C16orf74: variants seen among roughly 807,000 people sequenced by gnomAD.
C16orf74 encodes the protein uncharacterized protein C16orf74.
In C16orf74, 10 loss-of-function variants were observed where a neutral mutation model predicts 6.5. The observed-to-expected ratio is 1.54, with a 90% CI of 0.95 to 2.61. The LOEUF (loss-of-function observed/expected upper bound fraction) is 2.61. C16orf74 is among the 30% of genes most tolerant of loss of function. The pLI is 0.00. For missense variants in C16orf74, 141 were observed against 105.9 expected, an observed-to-expected ratio of 1.33 and a Z score of -1.45; for synonymous variants, 60 against 42.5, an observed-to-expected ratio of 1.41 and a Z score of -1.60.
chr16:85,733,107 C>G (rs1368190771), intron 2 of C16orf74, among the ~76,000 whole-genome samples: 1 of 152,160 alleles, frequency 6.6e-6, no homozygotes, highest in Admixed American at 6.5e-5. Flanking sequence ...CTGGTTTCTC[C>G]GTCAAAGATG....
At chr16:85,750,095 C>T (rs1355072561) in intron 1 of C16orf74, among the ~76,000 whole-genome samples, 1 of 152,232 alleles carries the variant, frequency 6.6e-6, no homozygotes, top group Admixed American at 6.5e-5. Flanking sequence ...GTATCCCTCT[C>T]AGAGCCTCAG....
intron 1 of C16orf74, among the ~76,000 whole-genome samples, chr16:85,745,343 G>C (rs188822476): frequency 2.9e-3 from 446 of 152,206 alleles, no homozygotes; most frequent in Non-Finnish European, 4.4e-3. Flanking sequence ...AGCATCTCCA[G>C]GGACAGGTCC....
At chr16:85,715,925 C>T (rs972258235) in intron 2 of C16orf74, among the ~76,000 whole-genome samples, 5 of 152,208 alleles carry the variant, frequency 3.3e-5, no homozygotes, top group Non-Finnish European at 7.3e-5. Context: ...GAAAGCACTT[C>T]GCCCAGCCAG....
chr16:85,715,890 C>T (rs2054018274), intron 2 of C16orf74, among the ~76,000 whole-genome samples: 1 of 152,172 alleles, frequency 6.6e-6, no homozygotes, highest in South Asian at 2.1e-4. Context: ...TGAAGGGCTG[C>T]GTGTGAGGAC....
chr16:85,747,135 C>G (rs2054383274), intron 1 of C16orf74, among the ~76,000 whole-genome samples: 1 of 152,172 alleles, frequency 6.6e-6, no homozygotes, highest in Non-Finnish European at 1.5e-5. Flanking sequence ...AATACTTGCC[C>G]ATTGCCGACT....
rs571401653 is a variant in C16orf74, at chr16:85,724,750, G to T, written c.28+10440C>A. On this transcript the variant is annotated intron_variant, in intron 2 of 3. Coordinates refer to ENST00000284245, the MANE Select transcript of C16orf74 (RefSeq NM_206967.3). ...AGTCCGAGGAGGGTCTCCATATGGTGCCTAAGGCTGAGAGCACATTCATTC... is the reference window on the plus strand; with the variant it reads ...AGTCCGAGGAGGGTCTCCATATGGTTCCTAAGGCTGAGAGCACATTCATTC... Among the ~76,000 whole-genome samples the T allele has an allele frequency of 3.3e-5, 5 of 152,320 alleles. 1 individual carries two copies. The South Asian group carries it at 1.0e-3, about 32-fold the overall frequency.
chr16:85,718,833 A>G (rs1449190114), intron 2 of C16orf74, among the ~76,000 whole-genome samples: 1 of 152,230 alleles, frequency 6.6e-6, no homozygotes, highest in African/African-American at 2.4e-5. Context: ...CAGGGCACTT[A>G]TTCATTGATT....
At chr16:85,724,063 T>C (rs1056682443) in intron 2 of C16orf74, among the ~76,000 whole-genome samples, 1 of 152,188 alleles carries the variant, frequency 6.6e-6, no homozygotes, top group African/African-American at 2.4e-5. Context: ...TGGAATGCAG[T>C]GGCACCGGGC....
At chr16:85,739,298 A>G (rs1438013290) in intron 1 of C16orf74, among the ~76,000 whole-genome samples, 1 of 152,174 alleles carries the variant, frequency 6.6e-6, no homozygotes, top group African/African-American at 2.4e-5. Flanking sequence ...GGCCCTGCAC[A>G]AAGTACTCGG....
At chr16:85,711,084 C>T (rs555014631) in intron 2 of C16orf74, among the ~76,000 whole-genome samples, 13 of 151,936 alleles carry the variant, frequency 8.6e-5, no homozygotes, top group South Asian at 2.1e-4. Context: ...GAGGCCAAGG[C>T]GGGCAGATCA....
intron 1 of C16orf74, among the ~76,000 whole-genome samples, chr16:85,740,233 A>AAAAAAAC: frequency 6.6e-6 from 1 of 150,394 alleles, no homozygotes; most frequent in Non-Finnish European, 1.5e-5. Flanking sequence ...AAAAAAAAGA[A>AAAAAAAC]AAAGAAATGG....
Position 85,710,259 on chromosome 16 carries a change from G to C in C16orf74, c.77C>G (p.Pro26Arg). Residue 26 changes from proline (P) to arginine (R), a missense_variant, in exon 3 of 4, where the codon CCC (proline) becomes CGC (arginine). Transcript: ENST00000284245. ...SSSSSSHDEA[P>R]VLNDKHLDVP... ...GTCCAGGTGCTTGTCGTTCAGGACG[G>C]GGGCCTCGTCGTGGCTGCTGCTGCT... is the stretch of plus-strand genomic sequence containing the variant. The C allele has an allele frequency of 6.6e-7, 1 of 1,514,330 alleles. No homozygotes were observed. Among genetic ancestry groups the C allele is most frequent in the Non-Finnish European group, 8.8e-7 (1 of 1,142,782 alleles). The allele number at this position is 1,514,330 out of a possible 1,614,324, so 93.8% of individuals were successfully genotyped here.
chr16:85,735,699 C>G (rs1245940522), intron 1 of C16orf74, among the ~76,000 whole-genome samples: 1 of 151,474 alleles, frequency 6.6e-6, no homozygotes, highest in Non-Finnish European at 1.5e-5. Flanking sequence ...TTTTTTTCCC[C>G]TAATGCAGGT....
At chr16:85,719,547 C>G (rs2054058416) in intron 2 of C16orf74, among the ~76,000 whole-genome samples, 1 of 152,108 alleles carries the variant, frequency 6.6e-6, no homozygotes, top group Non-Finnish European at 1.5e-5. Context: ...AGTCAGGGCA[C>G]AGCCTGTTTG....
chr16:85,727,254 C>T (rs2054143309), intron 2 of C16orf74, among the ~76,000 whole-genome samples: 1 of 152,162 alleles, frequency 6.6e-6, no homozygotes, highest in Non-Finnish European at 1.5e-5. Flanking sequence ...TTGGGTTGAC[C>T]AGGGGCTAGA....
chr16:85,732,953 T>A (rs1319526084), intron 2 of C16orf74, among the ~76,000 whole-genome samples: 1 of 152,150 alleles, frequency 6.6e-6, no homozygotes, highest in East Asian at 1.9e-4. Flanking sequence ...GCCTGTGCTT[T>A]CACTCGTGAG....
At chr16:85,728,927 T>C (rs1307464600) in intron 2 of C16orf74, among the ~76,000 whole-genome samples, 5 of 152,198 alleles carry the variant, frequency 3.3e-5, no homozygotes, top group African/African-American at 1.2e-4. Flanking sequence ...CCGGAGGATG[T>C]GTTGAAAACC....
At chr16:85,737,275 G>A (rs2054255210) in intron 1 of C16orf74, among the ~76,000 whole-genome samples, 1 of 152,160 alleles carries the variant, frequency 6.6e-6, no homozygotes, top group Non-Finnish European at 1.5e-5. Flanking sequence ...AGCAGCACAG[G>A]CTTCCCGGTA....
intron 2 of C16orf74, among the ~76,000 whole-genome samples, chr16:85,721,504 G>GT (rs1231351012): frequency 6.6e-6 from 1 of 152,156 alleles, no homozygotes; most frequent in Non-Finnish European, 1.5e-5. Context: ...TTAACAAATA[G>GT]TTTTTTTAGT....
Sources: gnomAD v4.1 joint callset for allele counts (sites outside exome capture counted in the v4.1 genomes callset) on GRCh38, gnomAD v4.1.1 for gene constraint, MANE v1.5 for transcripts, NCBI Gene and HGNC (gene_info 2026-07-23, HGNC 2026-07-21) for gene names.